The following PGM2L1 variants were observed in gnomAD, a reference collection of about 807,000 sequenced individuals.
PGM2L1 encodes the protein phosphoglucomutase 2 like 1.
Under a neutral mutation model 73.4 loss-of-function variants are expected in PGM2L1, and 35 were observed. That is an observed-to-expected ratio of 0.48 (90% CI 0.36 to 0.63). The LOEUF (loss-of-function observed/expected upper bound fraction) is 0.63. PGM2L1 is among the 30% of genes least tolerant of loss of function. The probability of loss-of-function intolerance (pLI) is 0.00; values close to 1 mark genes in which losing one functional copy is unlikely to be tolerated. For synonymous variants in PGM2L1, 225 were observed against 253.8 expected, an observed-to-expected ratio of 0.89 and a Z score of 1.08; for missense variants, 570 against 742.0, an observed-to-expected ratio of 0.77 and a Z score of 2.69.
At chr11:74,352,305 ATAAAG>A (rs1398327655) in intron 5 of PGM2L1, among the ~76,000 whole-genome samples, 1 of 152,192 alleles carries the variant, frequency 6.6e-6, no homozygotes, top group African/African-American at 2.4e-5. Context: ...ACTTAACATT[ATAAAG>A]TAGTTATGTG....
intron 5 of PGM2L1, chr11:74,354,731 CA>C: frequency 9.4e-7 from 1 of 1,058,660 alleles, no homozygotes; most frequent in African/African-American, 1.5e-5. Context: ...AATTCTCAAA[CA>C]CCAGGTGCCC....
intron 6 of PGM2L1, among the ~76,000 whole-genome samples, chr11:74,349,945 A>C (rs1862324422): frequency 6.6e-6 from 1 of 152,172 alleles, no homozygotes; most frequent in Non-Finnish European, 1.5e-5. Flanking sequence ...CTTAGGACAT[A>C]TCCCACTAGA....
chr11:74,352,167 G>C (rs1862368363), intron 5 of PGM2L1, among the ~76,000 whole-genome samples: 1 of 151,738 alleles, frequency 6.6e-6, no homozygotes, highest in Non-Finnish European at 1.5e-5. Flanking sequence ...TACAAGCAGG[G>C]CTAATTATTA....
intron 1 of PGM2L1, among the ~76,000 whole-genome samples, chr11:74,381,662 C>T (rs996097534): frequency 6.7e-6 from 1 of 148,270 alleles, no homozygotes; most frequent in African/African-American, 2.5e-5. Context: ...CACTGCAGCC[C>T]GGACCTCCTG....
At chr11:74,338,240 T>C (rs191060818) in intron 13 of PGM2L1, among the ~76,000 whole-genome samples, 1 of 152,138 alleles carries the variant, frequency 6.6e-6, no homozygotes, top group Admixed American at 6.5e-5. Context: ...AGACAGTAGA[T>C]TGGGGTTGCT....
chr11:74,346,490 TAATC>T (rs749592160), intron 8 of PGM2L1, among the ~76,000 whole-genome samples: 4 of 152,022 alleles, frequency 2.6e-5, no homozygotes, highest in African/African-American at 4.8e-5. Context: ...ATGTGGAAAA[TAATC>T]AAGATATAAA....
chr11:74,342,575 C>T lies in PGM2L1; in HGVS notation c.1518G>A (p.Arg506=), dbSNP rs369829875. Residue 506 remains arginine (R), a synonymous_variant, in exon 12 of 14, where the codon AGG becomes AGA. Transcript: ENST00000298198. ...EPPTIKSIFE[R]LRNFDSPKEY... ...CTTTTGGAGAATCAAAATTACGAAG[C>T]CTTTCAAATATACTTTTGATGGTAG... 2 of 1,605,798 alleles carry T rather than the reference C, an allele frequency of 1.2e-6. No homozygotes were observed. The highest frequency in any genetic ancestry group is 1.7e-6 in the Non-Finnish European group (2 of 1,175,130).
At chr11:74,358,590 CAGA>C (rs1862499593) in intron 5 of PGM2L1, among the ~76,000 whole-genome samples, 1 of 152,108 alleles carries the variant, frequency 6.6e-6, no homozygotes, top group Admixed American at 6.5e-5. Flanking sequence ...CCCTTTGATC[CAGA>C]AGTTTCACCT....
In PGM2L1 at chr11:74,334,611, G is replaced by C. The variant is rs1190810476; in HGVS notation, c.*2041C>G. ...GTAAGGAAGGAACAAATTAACAATA[G>C]TGGCAATACAATAGTTGGACAATTA... On this transcript the variant is annotated 3_prime_UTR_variant, in exon 14 of 14. Transcript: ENST00000298198. The C allele has an allele frequency of 1.3e-5, 2 of 152,186 alleles. No homozygotes were observed. The highest frequency in any genetic ancestry group is 4.8e-5 in the African/African-American group (2 of 41,442). 9.4% of individuals were successfully genotyped at this position (152,186 alleles called of 1,614,324 possible).
chr11:74,336,957 A>G (rs1395384553), intron 13 of PGM2L1, among the ~76,000 whole-genome samples: 2 of 152,190 alleles, frequency 1.3e-5, no homozygotes, highest in Non-Finnish European at 2.9e-5. Flanking sequence ...CTGAAGGTGA[A>G]CTGCATTAAT....
intron 1 of PGM2L1, among the ~76,000 whole-genome samples, chr11:74,385,371 A>G (rs1006490978): frequency 6.6e-6 from 1 of 152,166 alleles, no homozygotes; most frequent in Non-Finnish European, 1.5e-5. Flanking sequence ...ACATATTCTC[A>G]TATATTACTG....
intron 2 of PGM2L1, among the ~76,000 whole-genome samples, chr11:74,372,476 T>A (rs929354481): frequency 6.6e-6 from 1 of 152,218 alleles, no homozygotes; most frequent in Non-Finnish European, 1.5e-5. Context: ...AACTATCTCA[T>A]GAATTATTTA....
chr11:74,387,444 TG>T (rs1863033384), intron 1 of PGM2L1, among the ~76,000 whole-genome samples: 1 of 152,226 alleles, frequency 6.6e-6, no homozygotes, highest in African/African-American at 2.4e-5. Context: ...GTACCATGTC[TG>T]GTACATGATC....
intron 1 of PGM2L1, among the ~76,000 whole-genome samples, chr11:74,383,824 A>AATATATATATATATCTATATATATAT (rs1862983285): frequency 8.2e-6 from 1 of 121,836 alleles, no homozygotes; most frequent in Admixed American, 8.2e-5. Flanking sequence ...TATATAAATA[A>AATATATATATATATCTATATATATAT]ATATATATAT....
rs1343660266 is a variant in PGM2L1, at chr11:74,371,857, C to T, written c.280-40G>A. The T allele has an allele frequency of 6.8e-6, 10 of 1,460,920 alleles. No homozygotes were observed. The Admixed American group carries it at 1.5e-4, about 22-fold the overall frequency. The allele number at this position is 1,460,920 out of a possible 1,614,324, so 90.5% of individuals were successfully genotyped here. On this transcript the variant is annotated intron_variant, in intron 2 of 13. Coordinates refer to ENST00000298198, the MANE Select transcript of PGM2L1 (RefSeq NM_173582.6). ...CACAAAAGATTAGTTCTAATGGATG[C>T]TTGCATTTCATATGACTCAGAATCT... is the stretch of plus-strand genomic sequence containing the variant.
At chr11:74,353,804 C>G (rs1188315237) in intron 5 of PGM2L1, among the ~76,000 whole-genome samples, 1 of 22,168 alleles carries the variant, frequency 4.5e-5, no homozygotes, top group African/African-American at 1.5e-4. Flanking sequence ...TTCCACTAGA[C>G]AAAACCGCCA....
rs1565434900 is a variant in PGM2L1 at position 74,343,347 on chromosome 11, G to T, written c.1288C>A (p.Leu430Ile). ...CCAATAGACTCTTCAAATGCAAAAA[G>T]GACTTCTTTCCCATTTTCCAGGAGG... Reference protein sequence around the residue: ...IDLLENGKEVLFAFEESIGFL... With the variant: ...IDLLENGKEVIFAFEESIGFL... The change falls in exon 10 of 14, where the codon CTT becomes ATT. Residue 430 changes from leucine to isoleucine, a missense_variant. Leu to Ile is a conservative substitution (Grantham distance 5). Transcript: ENST00000298198. 1.2e-6 allele frequency: 2 copies of T among 1,607,502 alleles called. No homozygotes were observed. Among genetic ancestry groups the T allele is most frequent in the African/African-American group, 2.7e-5 (2 of 74,528 alleles).
At chr11:74,395,372 CTTCA>C (rs1367336205) in intron 1 of PGM2L1, among the ~76,000 whole-genome samples, 2 of 151,512 alleles carry the variant, frequency 1.3e-5, no homozygotes, top group Non-Finnish European at 2.9e-5. Flanking sequence ...GAAGTTTTAT[CTTCA>C]TTATTTTTAT....
chr11:74,339,032 A>G (rs1056210992), intron 12 of PGM2L1, among the ~76,000 whole-genome samples: 6 of 152,226 alleles, frequency 3.9e-5, no homozygotes, highest in African/African-American at 1.4e-4. Context: ...ATGGGGTTAT[A>G]TACCTCAATG....
Sources: allele counts gnomAD v4.1 joint callset (sites outside exome capture counted in the v4.1 genomes callset), GRCh38; gene constraint gnomAD v4.1.1; transcripts MANE v1.5; gene names NCBI Gene and HGNC (gene_info 2026-07-23, HGNC 2026-07-21).